The following NR5A1 variants were observed in gnomAD, a reference collection of about 807,000 sequenced individuals.
NR5A1 encodes steroidogenic factor 1.
Under a neutral mutation model 42.7 loss-of-function variants are expected in NR5A1, and 6 were observed. That is an observed-to-expected ratio of 0.14 (90% CI 0.08 to 0.28). The LOEUF (loss-of-function observed/expected upper bound fraction) is 0.28. Ranked by LOEUF, NR5A1 falls within the 10% of genes least tolerant of loss-of-function variation. The pLI is 1.00. For missense variants in NR5A1, 442 were observed against 626.4 expected, an observed-to-expected ratio of 0.71 and a Z score of 3.14; for synonymous variants, 274 against 277.5, an observed-to-expected ratio of 0.99 and a Z score of 0.12.
chr9:124,494,407 C>T (rs906526088), intron 4 of NR5A1, among the ~76,000 whole-genome samples: 2 of 152,224 alleles, frequency 1.3e-5, no homozygotes, highest in African/African-American at 4.8e-5. Flanking sequence ...TTCCTGGTCT[C>T]TCACAGGCTC....
intron 5 of NR5A1, 26 bp from the exon 6 acceptor site, chr9:124,491,254 G>C (rs2131277784): frequency 6.3e-7 from 1 of 1,576,434 alleles, no homozygotes; most frequent in East Asian, 2.3e-5. Context: ...ACGGGGCGGG[G>C]GACAGTCAGA....
chr9:124,487,749 C>T (rs1360250381), intron 6 of NR5A1, among the ~76,000 whole-genome samples: 1 of 152,184 alleles, frequency 6.6e-6, no homozygotes, highest in Non-Finnish European at 1.5e-5. Context: ...AGTGGCGGTC[C>T]CTCTCCGGGT....
chr9:124,486,216 G>A (rs942814906), intron 6 of NR5A1, among the ~76,000 whole-genome samples: 2 of 152,082 alleles, frequency 1.3e-5, no homozygotes, highest in African/African-American at 4.8e-5. Flanking sequence ...GCCCCCAGAG[G>A]TCAGCCACAG....
intron 6 of NR5A1, among the ~76,000 whole-genome samples, chr9:124,488,029 C>T (rs1264860984): frequency 6.6e-6 from 1 of 152,176 alleles, no homozygotes; most frequent in African/African-American, 2.4e-5. Context: ...CCTGTCCCCT[C>T]GCCAGCCTAC....
chr9:124,486,257 G>C (rs1345861994), intron 6 of NR5A1, among the ~76,000 whole-genome samples: 2 of 152,168 alleles, frequency 1.3e-5, no homozygotes, highest in Non-Finnish European at 2.9e-5. Flanking sequence ...GTCGCTAACG[G>C]AGCCTCAGTG....
intron 6 of NR5A1, among the ~76,000 whole-genome samples, chr9:124,489,857 G>T (rs1391785852): frequency 6.6e-6 from 1 of 151,506 alleles, no homozygotes; most frequent in Admixed American, 6.6e-5. Flanking sequence ...TTACCAGCCT[G>T]TTCTGCCAGA....
In NR5A1 at chr9:124,500,551, C is replaced by A. The variant is rs745949372; in HGVS notation, c.409G>T (p.Asp137Tyr). The change falls in exon 4 of 7, where the codon GAC (aspartate) becomes TAC (tyrosine). Residue 137 changes from aspartate to tyrosine, a missense_variant. This residue lies in a region of NR5A1 where 208 missense variants were observed against 203.8 expected (regional missense o/e 1.02). Coordinates refer to ENST00000373588, the MANE Select transcript of NR5A1 (RefSeq NM_004959.5). The surrounding 1 kb of genome is among the most constrained non-coding windows in gnomAD (Gnocchi z 6.9). ...TGCAGGCTGGGAGGCAGCACGTAGT[C>A]CGGTGCGGGAGGGGGCGGCGGGGGC... is the stretch of plus-strand genomic sequence containing the variant. Reference protein sequence around the residue: ...GVPPPPPPAPDYVLPPSLHGP... With the variant: ...GVPPPPPPAPYYVLPPSLHGP... 6.2e-7 allele frequency: 1 copy of A among 1,610,418 alleles called. No homozygotes were observed.
At chr9:124,485,516 G>GCCCA (rs1482959531) in intron 6 of NR5A1, among the ~76,000 whole-genome samples, 2 of 152,158 alleles carry the variant, frequency 1.3e-5, no homozygotes, top group African/African-American at 4.8e-5. Flanking sequence ...GGCAGGACCT[G>GCCCA]GCCTCCATCC....
At position 124,504,024 on chromosome 9, in the gene NR5A1, C is replaced by CAGACAGAG. The variant is rs368063610; in HGVS notation, c.-15-615_-15-614insCTCTGTCT. 2.8e-3 allele frequency among the ~76,000 whole-genome samples: 301 copies of CAGACAGAG among 105,898 alleles called. 11 individuals carry two copies. The highest frequency in any genetic ancestry group is 0.017 in the African/African-American group (286 of 16,928). 69.5% of individuals were successfully genotyped at this position (105,898 alleles called of 152,430 possible). ...GGAGGGATGGAGAGAGACAGGGAGA[C>CAGACAGAG]AGAGAGAGAGAGAGAGAGAGAGAGA... On this transcript the variant is annotated intron_variant, in intron 1 of 6. Coordinates refer to ENST00000373588, the MANE Select transcript of NR5A1 (RefSeq NM_004959.5).
rs764850069 is a variant in NR5A1, at chr9:124,482,947, G to A, written c.1197C>T (p.Ala399=). 2.0e-5 allele frequency: 32 copies of A among 1,613,988 alleles called. No homozygotes were observed. Among genetic ancestry groups the A allele is most frequent in the East Asian group, 6.7e-5 (3 of 44,882 alleles). The change falls in exon 7 of 7, where the codon GCC becomes GCT. Residue 399 remains alanine (A), a synonymous_variant. Coordinates refer to ENST00000373588, the MANE Select transcript of NR5A1 (RefSeq NM_004959.5). Reference sequence around the variant, plus strand: ...GGCACAGGGTGTAGTCAAGCAGGGCGGCGTTGGCCTTCTCCTGAGCGTCTT... The same window carrying A: ...GGCACAGGGTGTAGTCAAGCAGGGCAGCGTTGGCCTTCTCCTGAGCGTCTT... ...LVKDAQEKAN[A]ALLDYTLCHY... is the part of the protein sequence containing the mutation.
chr9:124,505,259 G>A (rs1261469593), intron 1 of NR5A1, among the ~76,000 whole-genome samples: 2 of 152,236 alleles, frequency 1.3e-5, no homozygotes, highest in Admixed American at 6.5e-5. Context: ...GCAGTGGGAG[G>A]AGGCAGCTCC....
intron 4 of NR5A1, among the ~76,000 whole-genome samples, chr9:124,495,303 G>A (rs1290521917): frequency 6.6e-6 from 1 of 152,194 alleles, no homozygotes; most frequent in African/African-American, 2.4e-5. Context: ...CCATGGAGCC[G>A]CGGTTTCCAG....
chr9:124,499,650 C>T (rs963336649), intron 4 of NR5A1, among the ~76,000 whole-genome samples: 7 of 152,148 alleles, frequency 4.6e-5, no homozygotes, highest in African/African-American at 1.7e-4. Flanking sequence ...AGGCTGAAGC[C>T]TGGGGAGGCA....
chr9:124,492,633 C>A (rs1187101934), intron 5 of NR5A1, among the ~76,000 whole-genome samples: 1 of 152,152 alleles, frequency 6.6e-6, no homozygotes, highest in Admixed American at 6.5e-5. Context: ...CCAGCAGGGC[C>A]CGGGGGCTCC....
At chr9:124,491,039 C>CCCCCCGGGGGG in intron 6 of NR5A1, 42 bp downstream of exon 6, 1 of 1,496,960 alleles carries the variant, frequency 6.7e-7, no homozygotes, top group Non-Finnish European at 9.0e-7. Context: ...ACCCACCCGC[C>CCCCCCGGGGGG]TCTGGCTGTC....
intron 1 of NR5A1, among the ~76,000 whole-genome samples, chr9:124,505,527 G>C (rs1341801986): frequency 1.3e-5 from 2 of 152,226 alleles, no homozygotes; most frequent in Admixed American, 1.3e-4. Flanking sequence ...TCGTGAGGAT[G>C]AACCCAAGCA....
At position 124,500,880 on chromosome 9, in the gene NR5A1, C is replaced by A; in HGVS notation, c.245-165G>T. On this transcript the variant is annotated intron_variant, in intron 3 of 6. Coordinates refer to ENST00000373588, the MANE Select transcript of NR5A1 (RefSeq NM_004959.5). This position sits in a 1 kb window ranked among gnomAD's most constrained non-coding sequence, Gnocchi z 6.9. ...AAGTCAGTCTCCTTTGCCTGGCATT[C>A]AAGGCCCTGCTCAGCTTTTCAGGCA... is the stretch of plus-strand genomic sequence containing the variant. The A allele has an allele frequency of 9.0e-7, 1 of 1,107,940 alleles. No individual in the cohort carries two copies. The highest frequency in any genetic ancestry group is 1.3e-6 in the Non-Finnish European group (1 of 741,528). The allele number at this position is 1,107,940 out of a possible 1,614,324, so 68.6% of individuals were successfully genotyped here.
Position 124,498,979 on chromosome 9 carries a change from G to A in NR5A1, c.870+1111C>T, listed in dbSNP as rs747707933. On this transcript the variant is annotated intron_variant, in intron 4 of 6. Transcript: ENST00000373588. The surrounding 1 kb of genome is among the most constrained non-coding windows in gnomAD (Gnocchi z 4.6). ...ATGCCCCTGGAGGAAGCCCAGGCCC[G>A]AGTGGCGTCAGCATTGACAATGCTG... 2.0e-5 allele frequency among the ~76,000 whole-genome samples: 3 copies of A among 152,110 alleles called. No homozygotes were observed. The highest frequency in any genetic ancestry group is 1.3e-4 in the Admixed American group (2 of 15,276).
Position 124,500,021 on chromosome 9 carries a change from G to A in NR5A1, c.870+69C>T. 2 of 1,610,282 alleles carry A rather than the reference G, an allele frequency of 1.2e-6. No individual in the cohort carries two copies. The highest frequency in any genetic ancestry group is 1.7e-6 in the Non-Finnish European group (2 of 1,177,802). ...GAAGGATGGCCCTATCCAAAGGACA[G>A]TCGGGCTAAGGCTTGGGCAGCCGGG... On this transcript the variant is annotated intron_variant, in intron 4 of 6. Coordinates refer to ENST00000373588, the MANE Select transcript of NR5A1 (RefSeq NM_004959.5). The surrounding 1 kb of genome is among the most constrained non-coding windows in gnomAD (Gnocchi z 6.9).
Sources: gnomAD v4.1 joint callset for allele counts (sites outside exome capture counted in the v4.1 genomes callset) on GRCh38, gnomAD v4.1.1 for gene constraint, gnomAD v4.1.1 regional missense constraint, Gnocchi (gnomAD v3.1) non-coding constraint, MANE v1.5 for transcripts, NCBI Gene and HGNC (gene_info 2026-07-23, HGNC 2026-07-21) for gene names.